Variants in SCP2 observed in about 807,000 individuals in gnomAD.
SCP2 encodes the protein SCP-2/3-oxoacyl-CoA thiolase.
SCP2 carries 48 observed loss-of-function variants against 71.4 expected under a neutral mutation model. The observed-to-expected ratio is 0.67, with a 90% CI of 0.53 to 0.86. SCP2 has a LOEUF of 0.86. Among genes scored for constraint, SCP2 ranks in the 40% least tolerant of loss-of-function variants. The pLI, the probability that SCP2 is intolerant of heterozygous loss-of-function variation, is 0.00. For missense variants in SCP2, 560 were observed against 655.6 expected (o/e 0.85, Z 1.59); for synonymous variants, 220 against 218.1 (o/e 1.01, Z -0.08).
At chr1:52,959,373 T>A (rs1358436403) in intron 5 of SCP2, among the ~76,000 whole-genome samples, 2 of 151,962 alleles carry the variant, frequency 1.3e-5, no homozygotes, top group African/African-American at 2.4e-5. Flanking sequence ...TTTTGTATTT[T>A]TAGTAGAGAC....
At chr1:52,937,237 A>G (rs962256181) in intron 1 of SCP2, among the ~76,000 whole-genome samples, 1 of 152,214 alleles carries the variant, frequency 6.6e-6, no homozygotes, top group Non-Finnish European at 1.5e-5. Flanking sequence ...TCAGTTTCTA[A>G]CAAGAAATAT....
At chr1:52,997,263 G>C (rs973420591) in intron 11 of SCP2, among the ~76,000 whole-genome samples, 3 of 152,068 alleles carry the variant, frequency 2.0e-5, no homozygotes, top group Non-Finnish European at 4.4e-5. Context: ...CTGCCTCCCT[G>C]GTTCAAGTGA....
intron 5 of SCP2, among the ~76,000 whole-genome samples, chr1:52,955,027 AT>A (rs1382875310): frequency 1.3e-5 from 2 of 151,934 alleles, no homozygotes; most frequent in African/African-American, 4.9e-5. Context: ...AAAGCCATTC[AT>A]TTATTCATTT....
intron 1 of SCP2, among the ~76,000 whole-genome samples, chr1:52,934,591 A>ATT (rs1653497260): frequency 4.7e-5 from 2 of 42,254 alleles, no homozygotes; most frequent in Non-Finnish European, 5.8e-5. Context: ...ATTCCAGCTA[A>ATT]CTTTTTTTTT....
At chr1:53,009,173 A>G (rs1335992313) in intron 11 of SCP2, among the ~76,000 whole-genome samples, 1 of 152,232 alleles carries the variant, frequency 6.6e-6, no homozygotes, top group Non-Finnish European at 1.5e-5. Flanking sequence ...GGTAGGAAGA[A>G]TGAATATCGT....
chr1:53,013,866 G>A (rs1183349940), intron 11 of SCP2, among the ~76,000 whole-genome samples: 6 of 144,358 alleles, frequency 4.2e-5, no homozygotes, highest in Admixed American at 2.2e-4. Flanking sequence ...AGACCAGTCT[G>A]CCCTGATAGA....
At chr1:52,930,319 T>TA (rs35991712) in intron 1 of SCP2, among the ~76,000 whole-genome samples, 63,019 of 148,032 alleles carry the variant, frequency 0.43, 15,177 homozygotes, top group Non-Finnish European at 0.57. Context: ...AAGTATATCT[T>TA]AAAAAAAAAA....
chr1:52,948,027 A>G lies in SCP2; in HGVS notation c.146A>G (p.Asp49Gly). 6.2e-7 allele frequency: 1 copy of G among 1,613,082 alleles called. No individual in the cohort carries two copies. The highest frequency in any genetic ancestry group is 1.1e-5 in the South Asian group (1 of 91,050). Residue 49 changes from aspartate (D) to glycine (G), a missense_variant, in exon 3 of 16, where the codon GAT becomes GGT. Around this residue, in one of 3 missense-constraint regions of SCP2, gnomAD observed 513 missense variants for 573.1 expected, o/e 0.90. Coordinates refer to ENST00000371514, the MANE Select transcript of SCP2 (RefSeq NM_002979.5). The part of the protein sequence containing the change: ...AEEAGKKALA[D>G]AQIPYSAVDQ... ...TTTATAGGCAAGAAGGCTTTAGCTGATGCACAGATCCCTTATTCAGCAGTG... is the reference window on the plus strand; with the variant it reads ...TTTATAGGCAAGAAGGCTTTAGCTGGTGCACAGATCCCTTATTCAGCAGTG...
chr1:52,994,725 C>G, intron 11 of SCP2: 1 of 711,106 alleles, frequency 1.4e-6, no homozygotes, highest in Non-Finnish European at 2.3e-6. Context: ...AAATTTTAAC[C>G]ATGAGGGAAA....
At chr1:53,005,960 G>T (rs1367061835) in intron 11 of SCP2, among the ~76,000 whole-genome samples, 1 of 152,136 alleles carries the variant, frequency 6.6e-6, no homozygotes, top group African/African-American at 2.4e-5. Context: ...GAAAACCATG[G>T]CACAAGAACT....
At chr1:52,989,557 A>G (rs1659288080) in intron 11 of SCP2, among the ~76,000 whole-genome samples, 1 of 152,178 alleles carries the variant, frequency 6.6e-6, no homozygotes, top group Admixed American at 6.5e-5. Flanking sequence ...ACAGAGTTGG[A>G]GCTCTTTCAA....
At chr1:53,049,612 T>C (rs1664069771) in intron 15 of SCP2, 1 of 152,108 alleles carries the variant, frequency 6.6e-6, no homozygotes, top group South Asian at 2.1e-4. Context: ...AGGTGGCGAG[T>C]TTCTCCTGTA....
At chr1:53,019,066 A>AT (rs1227379767) in intron 12 of SCP2, among the ~76,000 whole-genome samples, 1 of 152,114 alleles carries the variant, frequency 6.6e-6, no homozygotes, top group Admixed American at 6.5e-5. Flanking sequence ...CAGATTATAC[A>AT]TTTTTTGCAG....
intron 6 of SCP2, among the ~76,000 whole-genome samples, chr1:52,963,120 C>T (rs1019469182): frequency 6.6e-5 from 10 of 151,680 alleles, no homozygotes; most frequent in Non-Finnish European, 1.3e-4. Flanking sequence ...TTTAGAAAGA[C>T]CCTCCATGAC....
intron 11 of SCP2, among the ~76,000 whole-genome samples, chr1:52,996,500 G>T (rs1170825434): frequency 6.6e-6 from 1 of 152,198 alleles, no homozygotes; most frequent in Non-Finnish European, 1.5e-5. Flanking sequence ...GGCTATTAAA[G>T]TCATAATTTC....
chr1:52,995,390 ACC>A (rs1659861304), intron 11 of SCP2: 2 of 461,470 alleles, frequency 4.3e-6, no homozygotes, highest in Admixed American at 5.2e-5. Flanking sequence ...GGGGACTTGA[ACC>A]ACCTTGTCTC....
At chr1:53,013,421 T>TAAA (rs776237493) in intron 11 of SCP2, among the ~76,000 whole-genome samples, 11 of 117,196 alleles carry the variant, frequency 9.4e-5, no homozygotes, top group African/African-American at 1.7e-4. Flanking sequence ...CCGTCTCTAC[T>TAAA]AAAAAAAAAA....
At chr1:52,991,651 G>T (rs1177236023) in intron 11 of SCP2, among the ~76,000 whole-genome samples, 1 of 151,780 alleles carries the variant, frequency 6.6e-6, no homozygotes, top group Non-Finnish European at 1.5e-5. Flanking sequence ...TGCCTGCCTC[G>T]GCCTCCCAAA....
chr1:53,022,357 C>T (rs1661811800), intron 12 of SCP2, among the ~76,000 whole-genome samples: 1 of 152,172 alleles, frequency 6.6e-6, no homozygotes. Context: ...TCTGTCATTA[C>T]TTCTTGTTAC....
Sources: gnomAD v4.1 joint callset for allele counts (sites outside exome capture counted in the v4.1 genomes callset) on GRCh38, gnomAD v4.1.1 for gene constraint, gnomAD v4.1.1 regional missense constraint, MANE v1.5 for transcripts, NCBI Gene and HGNC (gene_info 2026-07-23, HGNC 2026-07-21) for gene names.